The following MPP7 variants were observed in gnomAD, a reference collection of about 807,000 sequenced individuals.
MPP7 encodes MAGUK p55 scaffold protein 7.
A neutral mutation model predicts 76.5 loss-of-function variants in MPP7; 60 were observed. The ratio of observed to expected loss-of-function variants is 0.78; its 90% CI spans 0.64 to 0.97. The LOEUF is 0.97. MPP7 is among the 50% of genes least tolerant of loss of function. MPP7 has a pLI of 0.00. For synonymous variants in MPP7, 237 were observed against 244.5 expected, an observed-to-expected ratio of 0.97 and a Z score of 0.29; for missense variants, 641 against 694.0, an observed-to-expected ratio of 0.92 and a Z score of 0.86.
upstream of MPP7, among the ~76,000 whole-genome samples, chr10:28,303,993 A>G (rs1841225369): frequency 6.6e-6 from 1 of 152,158 alleles, no homozygotes; most frequent in Non-Finnish European, 1.5e-5. Flanking sequence ...AGCTTTAGAA[A>G]AAGGGGTAGT....
intron 3 of MPP7, among the ~76,000 whole-genome samples, chr10:28,156,859 C>T (rs1836080831): frequency 6.6e-6 from 1 of 152,156 alleles, no homozygotes; most frequent in Non-Finnish European, 1.5e-5. Context: ...GGTGAGAAGA[C>T]AGAATGAAAC....
At chr10:28,060,915 C>T (rs1174501230) in intron 13 of MPP7, among the ~76,000 whole-genome samples, 2 of 152,122 alleles carry the variant, frequency 1.3e-5, no homozygotes, top group Non-Finnish European at 2.9e-5. Flanking sequence ...CATATCTAAG[C>T]CAATGAAGAA....
At chr10:28,233,028 G>A (rs545716417) in intron 2 of MPP7, among the ~76,000 whole-genome samples, 1 of 152,188 alleles carries the variant, frequency 6.6e-6, no homozygotes, top group Non-Finnish European at 1.5e-5. Context: ...GGAAAGGAAT[G>A]ATTCCATAAG....
At position 28,058,518 on chromosome 10, in the gene MPP7, A is replaced by G; in HGVS notation, c.1384T>C (p.Cys462Arg). 6.2e-7 allele frequency: 1 copy of G among 1,601,478 alleles called. No homozygotes were observed. Among genetic ancestry groups the G allele is most frequent in the Non-Finnish European group, 8.5e-7 (1 of 1,173,426 alleles). The part of the protein sequence containing the change: ...VRSVLAKNKV[C>R]LLDVQPHTVK... ...ACATGAGGCTGAACATCCAACAAACAAACTTTGTTTTTAGCAAGGACAGAC... is the reference window on the plus strand; with the variant it reads ...ACATGAGGCTGAACATCCAACAAACGAACTTTGTTTTTAGCAAGGACAGAC... The change falls in exon 15 of 17, where the codon TGT (cysteine) becomes CGT (arginine). Residue 462 changes from cysteine (C) to arginine (R), a missense_variant. By Grantham distance (180) the Cys-to-Arg change is radical. Transcript: ENST00000683449.
At chr10:28,069,560 C>T (rs879435743) in intron 13 of MPP7, among the ~76,000 whole-genome samples, 6 of 150,772 alleles carry the variant, frequency 4.0e-5, no homozygotes, top group Admixed American at 6.6e-5. Flanking sequence ...GCTGAGATTG[C>T]GCCACTGCAC....
chr10:28,251,138 AT>A (rs1839600065), intron 1 of MPP7, among the ~76,000 whole-genome samples: 1 of 152,192 alleles, frequency 6.6e-6, no homozygotes, highest in African/African-American at 2.4e-5. Flanking sequence ...CAAATAACAT[AT>A]TTTTGATTTA....
At chr10:28,121,343 GA>G (rs1222385708) in intron 8 of MPP7, among the ~76,000 whole-genome samples, 2 of 150,694 alleles carry the variant, frequency 1.3e-5, no homozygotes, top group Non-Finnish European at 2.9e-5. Context: ...TGTTTTGGGG[GA>G]CAAAACACCT....
At chr10:28,218,716 TA>T (rs952009913) in intron 2 of MPP7, among the ~76,000 whole-genome samples, 1 of 152,038 alleles carries the variant, frequency 6.6e-6, no homozygotes, top group Admixed American at 6.6e-5. Flanking sequence ...TAATTCAAAG[TA>T]AAAAATTACT....
chr10:28,113,337 CT>C (rs1416918666), intron 11 of MPP7, among the ~76,000 whole-genome samples: 1 of 152,160 alleles, frequency 6.6e-6, no homozygotes, highest in Non-Finnish European at 1.5e-5. Flanking sequence ...GTATACTGCT[CT>C]CCTCTCTGGG....
intron 11 of MPP7, among the ~76,000 whole-genome samples, chr10:28,097,314 C>A (rs1853616375): frequency 6.6e-6 from 1 of 152,010 alleles, no homozygotes; most frequent in African/African-American, 2.4e-5. Context: ...TCAATAAATT[C>A]TCTTTTTAAT....
At chr10:28,297,155 A>C (rs1354831754) in intron 1 of MPP7, among the ~76,000 whole-genome samples, 1 of 152,214 alleles carries the variant, frequency 6.6e-6, no homozygotes, top group Non-Finnish European at 1.5e-5. Flanking sequence ...AGGTAACAGA[A>C]ATGTTTCTGC....
intron 11 of MPP7, among the ~76,000 whole-genome samples, chr10:28,104,198 C>G (rs1471881833): frequency 6.6e-6 from 1 of 151,690 alleles, no homozygotes; most frequent in East Asian, 1.9e-4. Flanking sequence ...AACCAGAAGA[C>G]CAGAAGAAAA....
intron 2 of MPP7, among the ~76,000 whole-genome samples, chr10:28,237,348 A>G (rs1839110933): frequency 6.6e-6 from 1 of 152,178 alleles, no homozygotes; most frequent in African/African-American, 2.4e-5. Flanking sequence ...AAGAAGAAAA[A>G]AAATTTCCAA....
At chr10:28,221,959 A>T (rs1328362966) in intron 2 of MPP7, among the ~76,000 whole-genome samples, 1 of 152,112 alleles carries the variant, frequency 6.6e-6, no homozygotes, top group African/African-American at 2.4e-5. Context: ...TCTAGATATG[A>T]TCTCCATTTT....
At chr10:28,056,099 A>G (rs902878195) in intron 16 of MPP7, among the ~76,000 whole-genome samples, 1 of 152,100 alleles carries the variant, frequency 6.6e-6, no homozygotes, top group African/African-American at 2.4e-5. Context: ...TTGTTGAGAC[A>G]GGGTCTCACT....
Position 28,056,569 on chromosome 10 carries a change from G to T in MPP7, c.1462C>A (p.Pro488Thr). Residue 488 changes from proline (P) to threonine (T), a missense_variant, in exon 16 of 17, where the codon CCT (proline) becomes ACT (threonine). Physicochemically the swap from Pro to Thr is conservative, Grantham distance 38. Coordinates refer to ENST00000683449, the MANE Select transcript of MPP7 (RefSeq NM_001318170.2). Reference protein sequence around the residue: ...EFKPYVIFIKPPSIERLRETR... With the variant: ...EFKPYVIFIKTPSIERLRETR... ...TCTCTCAAACGCTCTATTGATGGAG[G>T]CTTTATAAATATCACATAGGGCTTA... 6.2e-7 allele frequency: 1 copy of T among 1,610,232 alleles called. No homozygotes were observed. Among genetic ancestry groups the T allele is most frequent in the Non-Finnish European group, 8.5e-7 (1 of 1,178,912 alleles).
chr10:28,153,186 G>A (rs1427517960), intron 3 of MPP7, among the ~76,000 whole-genome samples: 5 of 150,934 alleles, frequency 3.3e-5, no homozygotes, highest in African/African-American at 9.8e-5. Flanking sequence ...CCCGGAAGGC[G>A]GAGGTTGCAG....
At chr10:28,198,713 A>G (rs1468785170) in intron 3 of MPP7, among the ~76,000 whole-genome samples, 1 of 152,194 alleles carries the variant, frequency 6.6e-6, no homozygotes, top group Non-Finnish European at 1.5e-5. Flanking sequence ...AAAATGTAAA[A>G]TAAGTAAAGA....
At chr10:28,080,085 G>A (rs1319662861) in intron 12 of MPP7, among the ~76,000 whole-genome samples, 16 of 144,338 alleles carry the variant, frequency 1.1e-4, no homozygotes, top group Admixed American at 9.9e-4. Context: ...GGGAGGGAGA[G>A]GGGAGGGGAA....
Sources: gnomAD v4.1 joint callset for allele counts (sites outside exome capture counted in the v4.1 genomes callset) on GRCh38, gnomAD v4.1.1 for gene constraint, MANE v1.5 for transcripts, NCBI Gene and HGNC (gene_info 2026-07-23, HGNC 2026-07-21) for gene names.